CLMP: variants seen among roughly 807,000 people sequenced by gnomAD.
The protein encoded by CLMP is CXADR like cell adhesion molecule.
CLMP carries 27 observed loss-of-function variants against 45.2 expected under a neutral mutation model. The ratio of observed to expected loss-of-function variants is 0.60; its 90% CI spans 0.44 to 0.82. The LOEUF (loss-of-function observed/expected upper bound fraction) is 0.82. Ranked by LOEUF, CLMP falls within the 40% of genes least tolerant of loss-of-function variation. The pLI, the probability that CLMP is intolerant of heterozygous loss-of-function variation, is 0.00. For missense variants in CLMP, 403 were observed against 448.4 expected (o/e 0.90, Z 0.91); for synonymous variants, 167 against 171.4 (o/e 0.97, Z 0.20).
chr11:123,073,871 G>C (rs1178367389), intron 6 of CLMP, 97 bp from the exon 7 acceptor site: 3 of 1,318,596 alleles, frequency 2.3e-6, no homozygotes, highest in African/African-American at 3.0e-5. Flanking sequence ...GTGAACCTCA[G>C]ATAATACCAT....
chr11:123,125,366 A>G (rs923560624), intron 1 of CLMP, among the ~76,000 whole-genome samples: 2 of 151,988 alleles, frequency 1.3e-5, no homozygotes, highest in African/African-American at 4.8e-5. Context: ...ACCACTGCCT[A>G]CAAGATCAAG....
rs536327615 is a variant in CLMP at position 123,124,328 on chromosome 11, A to G, written c.29-26376T>C. Reference sequence around the variant, plus strand: ...ACCACGCACAGCTTACGGTTTTCCCAGTTGATTGGTTTGCTAATCTTTGAG... The same window carrying G: ...ACCACGCACAGCTTACGGTTTTCCCGGTTGATTGGTTTGCTAATCTTTGAG... On this transcript the variant is annotated intron_variant, in intron 1 of 6. Coordinates refer to ENST00000448775, the MANE Select transcript of CLMP (RefSeq NM_024769.5). Among the ~76,000 whole-genome samples the G allele has an allele frequency of 2.6e-5, 4 of 152,202 alleles. No homozygotes were observed. The South Asian group carries it at 6.2e-4, about 24-fold the overall frequency.
Position 123,072,128 on chromosome 11 carries a change from T to C in CLMP, c.*1346A>G, listed in dbSNP as rs1321086920. 1 of 152,168 alleles carries C rather than the reference T, an allele frequency of 6.6e-6. No individual in the cohort carries two copies. Among genetic ancestry groups the C allele is most frequent in the Non-Finnish European group, 1.5e-5 (1 of 68,042 alleles). 9.4% of individuals were successfully genotyped at this position (152,168 alleles called of 1,614,324 possible). ...ACTGAATTTCTCTCATTTTTCACTT[T>C]TAGGAGGGAACGGTTATGGCATATA... On this transcript the variant is annotated 3_prime_UTR_variant, in exon 7 of 7. Transcript: ENST00000448775.
intron 1 of CLMP, among the ~76,000 whole-genome samples, chr11:123,190,014 A>G (rs56082704): frequency 8.6e-6 from 1 of 115,632 alleles, no homozygotes; most frequent in Non-Finnish European, 2.0e-5. Flanking sequence ...AAAAAAAAAA[A>G]AAAAAAAAAC....
chr11:123,158,049 A>G (rs976543921), intron 1 of CLMP, among the ~76,000 whole-genome samples: 4 of 151,896 alleles, frequency 2.6e-5, no homozygotes, highest in African/African-American at 9.7e-5. Context: ...CACACACATT[A>G]CTCAATCCAC....
At position 123,084,609 on chromosome 11, in the gene CLMP, CT is replaced by C. The variant is rs773488512; in HGVS notation, c.290del (p.Gln97ArgfsTer5). 6.2e-7 allele frequency: 1 copy of C among 1,614,222 alleles called. No homozygotes were observed. Among genetic ancestry groups the C allele is most frequent in the Admixed American group, 1.7e-5 (1 of 60,012 alleles). On this transcript the variant is annotated frameshift_variant, in exon 3 of 7. Transcript: ENST00000448775. LOFTEE classifies it high-confidence loss of function. ...CATCACTGGGCTTCAGAGGTTCAAT[CT>C]GCAAGGAGGCATCTCCTGCCAGGAA... Reference protein sequence around the residue: ...SNFLAGDASLQIEPLKPSDEG... With the variant: ...SNFLAGDASLXIEPLKPSDEG...
chr11:123,182,588 C>T (rs1038149727), intron 1 of CLMP, among the ~76,000 whole-genome samples: 2 of 152,136 alleles, frequency 1.3e-5, no homozygotes, highest in Non-Finnish European at 2.9e-5. Flanking sequence ...AGCGTGGTTC[C>T]TATTATATGC....
intron 1 of CLMP, among the ~76,000 whole-genome samples, chr11:123,163,522 T>A (rs960718534): frequency 6.6e-6 from 1 of 152,126 alleles, no homozygotes; most frequent in Non-Finnish European, 1.5e-5. Context: ...GGCTTGCTAC[T>A]CAAAGCGTGG....
intron 2 of CLMP, among the ~76,000 whole-genome samples, chr11:123,088,687 G>A (rs570792238): frequency 7.9e-5 from 12 of 152,138 alleles, no homozygotes; most frequent in South Asian, 2.1e-4. Flanking sequence ...GTGCAGTGGC[G>A]TAATCTCCAC....
At chr11:123,127,285 C>A (rs936970253) in intron 1 of CLMP, among the ~76,000 whole-genome samples, 4 of 152,018 alleles carry the variant, frequency 2.6e-5, no homozygotes, top group Non-Finnish European at 5.9e-5. Flanking sequence ...TCATGCCCAG[C>A]TAATTTTTGT....
At chr11:123,079,446 TTTTTG>T (rs558983396) in intron 5 of CLMP, among the ~76,000 whole-genome samples, 1 of 152,138 alleles carries the variant, frequency 6.6e-6, no homozygotes, top group Non-Finnish European at 1.5e-5. Flanking sequence ...CCTGTTACTT[TTTTTG>T]TTTTGTTTTG....
intron 1 of CLMP, among the ~76,000 whole-genome samples, chr11:123,173,457 A>G (rs1861661670): frequency 6.6e-6 from 1 of 152,208 alleles, no homozygotes; most frequent in Non-Finnish European, 1.5e-5. Flanking sequence ...TACATGCCAG[A>G]TGGAAGTCTG....
At chr11:123,074,995 G>C in intron 5 of CLMP, 152 bp from the exon 6 acceptor site, 1 of 900,628 alleles carries the variant, frequency 1.1e-6, no homozygotes, top group Admixed American at 2.9e-5. Context: ...CACTCTTGTT[G>C]CCCAGGCTGG....
chr11:123,183,389 C>A (rs1861794780), intron 1 of CLMP, among the ~76,000 whole-genome samples: 1 of 152,112 alleles, frequency 6.6e-6, no homozygotes, highest in Non-Finnish European at 1.5e-5. Flanking sequence ...CACCATCATG[C>A]CTGGCTAATT....
At chr11:123,086,990 T>C (rs1161475880) in intron 2 of CLMP, among the ~76,000 whole-genome samples, 1 of 152,128 alleles carries the variant, frequency 6.6e-6, no homozygotes, top group Non-Finnish European at 1.5e-5. Flanking sequence ...AGTCAGGAGT[T>C]TGAGACCAGC....
intron 1 of CLMP, among the ~76,000 whole-genome samples, chr11:123,130,549 C>T (rs1565391731): frequency 6.6e-6 from 1 of 152,130 alleles, no homozygotes; most frequent in African/African-American, 2.4e-5. Flanking sequence ...GCTGATGGCC[C>T]CTAAGTGATG....
intron 1 of CLMP, among the ~76,000 whole-genome samples, chr11:123,102,515 G>A (rs975796291): frequency 6.6e-5 from 10 of 150,848 alleles, no homozygotes; most frequent in Admixed American, 5.3e-4. Context: ...TCCTGACCTC[G>A]TGATCCGCCC....
rs571503120 is a variant in CLMP at position 123,105,675 on chromosome 11, C to T, written c.29-7723G>A. ...AAACTCCTGACCTCAGGTGATCTGC[C>T]TATCTTGGACTCCCAAAGTGCTGGG... is the stretch of plus-strand genomic sequence containing the variant. On this transcript the variant is annotated intron_variant, in intron 1 of 6. Coordinates refer to ENST00000448775, the MANE Select transcript of CLMP (RefSeq NM_024769.5). 2.0e-5 allele frequency among the ~76,000 whole-genome samples: 3 copies of T among 151,950 alleles called. No individual in the cohort carries two copies. In the East Asian group the frequency reaches 5.8e-4, roughly 30 times the overall value.
At chr11:123,145,276 G>C (rs1383465221) in intron 1 of CLMP, among the ~76,000 whole-genome samples, 1 of 151,922 alleles carries the variant, frequency 6.6e-6, no homozygotes, top group Admixed American at 6.6e-5. Flanking sequence ...CTATTAAAGG[G>C]TTAACTTTGT....
Sources: allele counts gnomAD v4.1 joint callset (sites outside exome capture counted in the v4.1 genomes callset), GRCh38; gene constraint gnomAD v4.1.1; transcripts MANE v1.5; gene names NCBI Gene and HGNC (gene_info 2026-07-23, HGNC 2026-07-21).